Variants in VWC2 observed in about 807,000 individuals in gnomAD.
VWC2 encodes brorin.
Under a neutral mutation model 29.8 loss-of-function variants are expected in VWC2, and 14 were observed. The observed-to-expected ratio is 0.47, with a 90% CI of 0.31 to 0.74. The LOEUF (loss-of-function observed/expected upper bound fraction) is 0.74. Among genes scored for constraint, VWC2 ranks in the 30% least tolerant of loss-of-function variants. The probability of loss-of-function intolerance (pLI) is 0.05; values close to 1 mark genes in which losing one functional copy is unlikely to be tolerated. For synonymous variants in VWC2, 213 were observed against 199.0 expected (o/e 1.07, Z -0.59); for missense variants, 457 against 459.8 (o/e 0.99, Z 0.05).
rs139537087 is a variant in VWC2 at position 49,835,404 on chromosome 7, T to C, written c.826+32564T>C. Among the ~76,000 whole-genome samples the C allele has an allele frequency of 5.6e-4, 85 of 152,328 alleles. 1 individual carries two copies. In the Middle Eastern group the frequency reaches 0.01, roughly 18 times the overall value. On this transcript the variant is annotated intron_variant, in intron 3 of 3. Coordinates refer to ENST00000340652, the MANE Select transcript of VWC2 (RefSeq NM_198570.5). ...ATGTGGGCTTGGGTGCAAATTTTCT[T>C]AAATGCATGGTGGGGGCTGGGATGA...
chr7:49,905,292 A>G (rs1423269019), intron 3 of VWC2, among the ~76,000 whole-genome samples: 1 of 152,204 alleles, frequency 6.6e-6, no homozygotes, highest in Non-Finnish European at 1.5e-5. Context: ...AGCTATGGAA[A>G]GTGACCATTC....
chr7:49,864,467 T>G (rs1790797858), intron 3 of VWC2, among the ~76,000 whole-genome samples: 2 of 152,184 alleles, frequency 1.3e-5, no homozygotes, highest in Admixed American at 1.3e-4. Flanking sequence ...TCCAAATACA[T>G]GGGTGCTTTA....
rs1220610940 is a variant in VWC2 at position 49,912,594 on chromosome 7, T to G, written c.*409T>G. Reference sequence around the variant, plus strand: ...CAGTTCTGATTCCATCACCCAGGAATGTTCCCCCTGCACATTTTCACAGGG... The same window carrying G: ...CAGTTCTGATTCCATCACCCAGGAAGGTTCCCCCTGCACATTTTCACAGGG... On this transcript the variant is annotated 3_prime_UTR_variant, in exon 4 of 4. Transcript: ENST00000340652. The G allele has an allele frequency of 1.9e-5, 3 of 157,538 alleles. No individual in the cohort carries two copies. The highest frequency in any genetic ancestry group is 1.9e-4 in the Admixed American group (3 of 15,946). The allele number at this position is 157,538 out of a possible 1,614,324, so 9.8% of individuals were successfully genotyped here.
chr7:49,889,954 T>C (rs931871584), intron 3 of VWC2, among the ~76,000 whole-genome samples: 2 of 152,192 alleles, frequency 1.3e-5, no homozygotes, highest in African/African-American at 4.8e-5. Flanking sequence ...ATAACTAATC[T>C]CAATTTTAAT....
chr7:49,914,096 A>T lies in VWC2; in HGVS notation c.*1911A>T, dbSNP rs972105225. The T allele has an allele frequency of 2.6e-5, 4 of 152,176 alleles. No individual in the cohort carries two copies. The highest frequency in any genetic ancestry group is 9.7e-5 in the African/African-American group (4 of 41,438). 9.4% of individuals were successfully genotyped at this position (152,176 alleles called of 1,614,324 possible). A position where few individuals can be genotyped will look rare whatever the true frequency, so the allele number is the denominator to read the frequency against. On this transcript the variant is annotated 3_prime_UTR_variant, in exon 4 of 4. Coordinates refer to ENST00000340652, the MANE Select transcript of VWC2 (RefSeq NM_198570.5). ...TTGGCCATCCCTCCTTTATTCAAGG[A>T]TGGATTGTTTGAGACACAGTTATTT...
chr7:49,788,869 T>TG (rs562390232), intron 2 of VWC2, among the ~76,000 whole-genome samples: 16,924 of 137,646 alleles, frequency 0.12, 1,186 homozygotes, highest in Non-Finnish European at 0.16. Flanking sequence ...AGCGTGTGTG[T>TG]GGGGGGTGTG....
At chr7:49,849,746 T>C (rs1043288969) in intron 3 of VWC2, among the ~76,000 whole-genome samples, 3 of 152,224 alleles carry the variant, frequency 2.0e-5, no homozygotes, top group African/African-American at 7.2e-5. Context: ...AACCAGCCTG[T>C]CACTTATTCT....
intron 3 of VWC2, among the ~76,000 whole-genome samples, chr7:49,852,637 G>A (rs1790227102): frequency 6.6e-6 from 1 of 152,150 alleles, no homozygotes; most frequent in African/African-American, 2.4e-5. Context: ...GGTGCAAGGT[G>A]ATGTCTCACC....
chr7:49,848,178 C>T (rs1790030489), intron 3 of VWC2, among the ~76,000 whole-genome samples: 1 of 152,088 alleles, frequency 6.6e-6, no homozygotes, highest in African/African-American at 2.4e-5. Flanking sequence ...AAGATAGGGG[C>T]CCAACTTTGA....
At chr7:49,871,187 C>T (rs691194) in intron 3 of VWC2, among the ~76,000 whole-genome samples, 115,840 of 152,090 alleles carry the variant, frequency 0.76, 44,325 homozygotes, top group East Asian at 0.88. Flanking sequence ...AAAATAAAAA[C>T]GAATAATAAT....
chr7:49,838,404 G>T (rs1456615666), intron 3 of VWC2, among the ~76,000 whole-genome samples: 2 of 152,074 alleles, frequency 1.3e-5, no homozygotes, highest in African/African-American at 4.8e-5. Context: ...GACTTTTAGG[G>T]GAGTACAGAT....
intron 3 of VWC2, among the ~76,000 whole-genome samples, chr7:49,871,039 A>T (rs781042158): frequency 6.6e-6 from 1 of 152,224 alleles, no homozygotes; most frequent in African/African-American, 2.4e-5. Flanking sequence ...TATTCCACAG[A>T]ACCAATAAAT....
At chr7:49,822,379 C>T (rs1789282084) in intron 3 of VWC2, among the ~76,000 whole-genome samples, 1 of 152,124 alleles carries the variant, frequency 6.6e-6, no homozygotes. Context: ...TCACCTTTCT[C>T]CCCAGCCCTG....
At chr7:49,799,083 G>C (rs1033628918) in intron 2 of VWC2, among the ~76,000 whole-genome samples, 11 of 152,214 alleles carry the variant, frequency 7.2e-5, no homozygotes, top group Non-Finnish European at 1.3e-4. Flanking sequence ...GCTGAAAAGG[G>C]CAGGGCATTA....
At chr7:49,842,419 T>C (rs1018074131) in intron 3 of VWC2, among the ~76,000 whole-genome samples, 3 of 152,220 alleles carry the variant, frequency 2.0e-5, no homozygotes, top group Non-Finnish European at 4.4e-5. Context: ...TTAGGTATGA[T>C]AGTTTACTGA....
Position 49,915,865 on chromosome 7 carries a change from A to G in VWC2, c.*3680A>G, listed in dbSNP as rs1407589860. On this transcript the variant is annotated 3_prime_UTR_variant, in exon 4 of 4. Transcript: ENST00000340652. ...ATAAGCATCATTGGTAAAAACATACATGCTTCTTTGGCCAACATAATTTGT... is the reference window on the plus strand; with the variant it reads ...ATAAGCATCATTGGTAAAAACATACGTGCTTCTTTGGCCAACATAATTTGT... The G allele has an allele frequency of 6.6e-6, 1 of 152,180 alleles. No individual in the cohort carries two copies. The highest frequency in any genetic ancestry group is 2.4e-5 in the African/African-American group (1 of 41,460). 9.4% of individuals were successfully genotyped at this position (152,180 alleles called of 1,614,324 possible).
At chr7:49,818,137 G>A (rs886113343) in intron 3 of VWC2, among the ~76,000 whole-genome samples, 2 of 152,176 alleles carry the variant, frequency 1.3e-5, no homozygotes, top group African/African-American at 4.8e-5. Context: ...AAAATGGATG[G>A]CAATTGAAAG....
At chr7:49,896,234 A>G (rs1245847205) in intron 3 of VWC2, among the ~76,000 whole-genome samples, 4 of 152,074 alleles carry the variant, frequency 2.6e-5, no homozygotes, top group Non-Finnish European at 4.4e-5. Context: ...CCAGCTACTC[A>G]GGAGGCTGAG....
At chr7:49,871,167 T>G (rs1791133262) in intron 3 of VWC2, among the ~76,000 whole-genome samples, 1 of 152,150 alleles carries the variant, frequency 6.6e-6, no homozygotes, top group Non-Finnish European at 1.5e-5. Flanking sequence ...ATAGCAAAAT[T>G]CAAGTGGTAA....
Sources: gnomAD v4.1 joint callset for allele counts (sites outside exome capture counted in the v4.1 genomes callset) on GRCh38, gnomAD v4.1.1 for gene constraint, MANE v1.5 for transcripts, NCBI Gene and HGNC (gene_info 2026-07-23, HGNC 2026-07-21) for gene names.